Variants in HYKK observed in about 807,000 individuals in gnomAD.
HYKK encodes hydroxylysine kinase, also known as 5-hydroxy-L-lysine kinase.
HYKK carries 19 observed loss-of-function variants against 29.7 expected under a neutral mutation model. The observed-to-expected ratio is 0.64, with a 90% CI of 0.45 to 0.94. HYKK has a LOEUF of 0.94. HYKK is among the 40% of genes least tolerant of loss of function. The pLI is 0.00. For synonymous variants in HYKK, 152 were observed against 158.1 expected, an observed-to-expected ratio of 0.96 and a Z score of 0.29; for missense variants, 390 against 443.4, an observed-to-expected ratio of 0.88 and a Z score of 1.08.
intron 3 of HYKK, among the ~76,000 whole-genome samples, chr15:78,516,216 T>TA (rs913569636): frequency 1.2e-4 from 18 of 151,974 alleles, no homozygotes; most frequent in East Asian, 5.8e-4. Flanking sequence ...TTATGTTATT[T>TA]AAAAAAAATC....
rs187843726 is a variant in HYKK, at chr15:78,522,738, A to G, written c.478-4642A>G. ...CTAAAAATACTAAAAAATTAACCGG[A>G]CATGGTGACACATGCCTGTAATTTC... On this transcript the variant is annotated intron_variant, in intron 3 of 4. Transcript: ENST00000388988. Among the ~76,000 whole-genome samples, 3 of 152,142 alleles carry G rather than the reference A, an allele frequency of 2.0e-5. No individual in the cohort carries two copies. In the East Asian group the frequency reaches 5.8e-4, roughly 29 times the overall value.
chr15:78,533,168 G>A (rs1386212778), intron 4 of HYKK, 42 bp from the exon 5 acceptor site: 1 of 1,223,004 alleles, frequency 8.2e-7, no homozygotes. Context: ...GAATGAATTG[G>A]GATATTCAAT....
chr15:78,508,009 A>C (rs1288283797), intron 1 of HYKK, among the ~76,000 whole-genome samples: 1 of 151,976 alleles, frequency 6.6e-6, no homozygotes. Flanking sequence ...GCAGTCTCTG[A>C]GCTCCGCTGA....
chr15:78,533,497 C>T lies in HYKK; in HGVS notation c.949C>T (p.Leu317Phe). The change falls in exon 5 of 5, where the codon CTT (leucine) becomes TTT (phenylalanine). Residue 317 changes from leucine to phenylalanine, a missense_variant. Physicochemically the swap from Leu to Phe is conservative, Grantham distance 22. Coordinates refer to ENST00000388988, the MANE Select transcript of HYKK (RefSeq NM_001013619.4). ...TGTATGCAGTCGTTTTTGTCAGTCA[C>T]TTGTCATGGCTGCATACTCTTGCCA... ...LLVCSRFCQSLVMAAYSCQLY... is the reference protein window; with the variant it reads ...LLVCSRFCQSFVMAAYSCQLY... The T allele has an allele frequency of 1.2e-6, 2 of 1,614,186 alleles. No homozygotes were observed. Among genetic ancestry groups the T allele is most frequent in the East Asian group, 2.2e-5 (1 of 44,890 alleles).
intron 4 of HYKK, chr15:78,528,165 G>A (rs561663183): frequency 6.5e-6 from 1 of 153,628 alleles, no homozygotes; most frequent in South Asian, 2.1e-4. Context: ...GTGAGCAGAG[G>A]GAAAGCAAGC....
intron 3 of HYKK, among the ~76,000 whole-genome samples, chr15:78,525,713 G>T (rs182495726): frequency 2.0e-5 from 3 of 151,246 alleles, no homozygotes; most frequent in Admixed American, 2.0e-4. Context: ...TGGCCAGGCT[G>T]GTCTCGAACT....
chr15:78,528,428 C>CTGTGTA, intron 4 of HYKK: 2 of 985,426 alleles, frequency 2.0e-6, no homozygotes, highest in Non-Finnish European at 1.2e-6. Flanking sequence ...ATCTATCTCC[C>CTGTGTA]TGTGTACACA....
chr15:78,533,568 C>T lies in HYKK; in HGVS notation c.1020C>T (p.Thr340=), dbSNP rs750102310. ...NKDYLMVTAK[T]GWKHLQQMFD... is the part of the protein sequence containing the mutation. ...ACTATCTCATGGTTACTGCAAAAACCGGGTGGAAACACTTACAGCAAATGT... is the reference window on the plus strand; with the variant it reads ...ACTATCTCATGGTTACTGCAAAAACTGGGTGGAAACACTTACAGCAAATGT... Residue 340 remains threonine (T), a synonymous_variant, in exon 5 of 5, where the codon ACC becomes ACT. Transcript: ENST00000388988. The T allele has an allele frequency of 1.9e-5, 30 of 1,613,962 alleles. No individual in the cohort carries two copies. Among genetic ancestry groups the T allele is most frequent in the South Asian group, 5.5e-5 (5 of 91,082 alleles).
intron 4 of HYKK, chr15:78,528,341 C>T: frequency 1.3e-6 from 1 of 745,226 alleles, no homozygotes; most frequent in Non-Finnish European, 1.6e-6. Context: ...TCCGCTGTCT[C>T]CTGTCCATGG....
chr15:78,532,650 C>T (rs969749228), intron 4 of HYKK, among the ~76,000 whole-genome samples: 6 of 151,976 alleles, frequency 3.9e-5, no homozygotes, highest in African/African-American at 9.7e-5. Context: ...CAAAAATTAG[C>T]TGGGTGTGGT....
intron 3 of HYKK, among the ~76,000 whole-genome samples, chr15:78,521,441 A>G (rs1238873176): frequency 6.6e-6 from 1 of 151,944 alleles, no homozygotes; most frequent in Non-Finnish European, 1.5e-5. Flanking sequence ...GAGTTATTCG[A>G]TTGGTGCAAA....
chr15:78,533,920 A>C lies in HYKK; in HGVS notation c.*250A>C. 2.2e-6 allele frequency: 1 copy of C among 456,616 alleles called. No individual in the cohort carries two copies. The highest frequency in any genetic ancestry group is 3.9e-6 in the Non-Finnish European group (1 of 258,018). 28.3% of individuals were successfully genotyped at this position (456,616 alleles called of 1,614,324 possible). A position where few individuals can be genotyped will look rare whatever the true frequency, so the allele number is the denominator to read the frequency against. On this transcript the variant is annotated 3_prime_UTR_variant, in exon 5 of 5. Transcript: ENST00000388988. ...CTTACTTGCCATATCTATAAAACAC[A>C]TATAATGATACCATTTTGAAGCAGA... is the stretch of plus-strand genomic sequence containing the variant.
rs886850798 is a variant in HYKK at position 78,534,936 on chromosome 15, A to G, written c.*1266A>G. ...GTTTCTTTTTGGATGACTATGAAGT[A>G]GATTGGGTAGACTGAAGCTCACTGT... On this transcript the variant is annotated 3_prime_UTR_variant, in exon 5 of 5. Coordinates refer to ENST00000388988, the MANE Select transcript of HYKK (RefSeq NM_001013619.4). The G allele has an allele frequency of 2.0e-5, 3 of 152,240 alleles. No individual in the cohort carries two copies. The highest frequency in any genetic ancestry group is 7.2e-5 in the African/African-American group (3 of 41,470). 9.4% of individuals were successfully genotyped at this position (152,240 alleles called of 1,614,324 possible).
rs2052343746 is a variant in HYKK, at chr15:78,534,493, C to T, written c.*823C>T. The T allele has an allele frequency of 6.6e-6, 1 of 152,156 alleles. No individual in the cohort carries two copies. Among genetic ancestry groups the T allele is most frequent in the Admixed American group, 6.6e-5 (1 of 15,240 alleles). The allele number at this position is 152,156 out of a possible 1,614,324, so 9.4% of individuals were successfully genotyped here. A position where few individuals can be genotyped will look rare whatever the true frequency, so the allele number is the denominator to read the frequency against. Reference sequence around the variant, plus strand: ...GTCTCGATCTCCTGACCTTGTGATCCACCCGCCTCGATCTCCCAAAGTGCT... The same window carrying T: ...GTCTCGATCTCCTGACCTTGTGATCTACCCGCCTCGATCTCCCAAAGTGCT... On this transcript the variant is annotated 3_prime_UTR_variant, in exon 5 of 5. Coordinates refer to ENST00000388988, the MANE Select transcript of HYKK (RefSeq NM_001013619.4).
rs532262180 is a variant in HYKK, at chr15:78,525,378, G to T, written c.478-2002G>T. On this transcript the variant is annotated intron_variant, in intron 3 of 4. Coordinates refer to ENST00000388988, the MANE Select transcript of HYKK (RefSeq NM_001013619.4). ...TCACCATGTTAGCCAGGATGGTCTC[G>T]ATCTCCTGACCTCGTGATCTGCCCG... Among the ~76,000 whole-genome samples, 7 of 152,094 alleles carry T rather than the reference G, an allele frequency of 4.6e-5. No homozygotes were observed. In the South Asian group the frequency reaches 1.5e-3, roughly 32 times the overall value.
intron 3 of HYKK, chr15:78,518,512 T>C (rs1456113328): frequency 6.7e-6 from 3 of 444,982 alleles, no homozygotes; most frequent in African/African-American, 2.0e-5. Context: ...ATCACTGTTT[T>C]TCATTGCCTA....
chr15:78,528,522 G>C (rs908502913), intron 4 of HYKK: 11 of 985,212 alleles, frequency 1.1e-5, no homozygotes, highest in Non-Finnish European at 1.2e-5. Context: ...CAAGGAACTG[G>C]CTGGGTGTGG....
intron 3 of HYKK, among the ~76,000 whole-genome samples, chr15:78,519,246 C>T (rs766885399): frequency 3.9e-5 from 6 of 152,086 alleles, no homozygotes; most frequent in African/African-American, 1.4e-4. Flanking sequence ...GCACTCTATC[C>T]GTTTATTCAA....
At chr15:78,516,408 C>T (rs2052133768) in intron 3 of HYKK, among the ~76,000 whole-genome samples, 1 of 142,048 alleles carries the variant, frequency 7.0e-6, no homozygotes, top group South Asian at 2.2e-4. Context: ...TGCAGTGGTA[C>T]AGTCACAGCT....
Sources: gnomAD v4.1 joint callset for allele counts (sites outside exome capture counted in the v4.1 genomes callset) on GRCh38, gnomAD v4.1.1 for gene constraint, MANE v1.5 for transcripts, NCBI Gene and HGNC (gene_info 2026-07-23, HGNC 2026-07-21) for gene names.